Variants in TMPRSS11D observed in about 807,000 individuals in gnomAD.
TMPRSS11D encodes the protein transmembrane serine protease 11D.
TMPRSS11D carries 32 observed loss-of-function variants against 44.4 expected under a neutral mutation model. The observed-to-expected ratio is 0.72, with a 90% confidence interval of 0.54 to 0.97. The LOEUF is 0.97. Among genes scored for constraint, TMPRSS11D ranks in the 50% least tolerant of loss-of-function variants. The probability of loss-of-function intolerance (pLI) is 0.00; values close to 1 mark genes in which losing one functional copy is unlikely to be tolerated. For synonymous variants in TMPRSS11D, 179 were observed against 177.9 expected, an observed-to-expected ratio of 1.01 and a Z score of -0.05; for missense variants, 446 against 502.6, an observed-to-expected ratio of 0.89 and a Z score of 1.08.
intron 7 of TMPRSS11D, among the ~76,000 whole-genome samples, chr4:67,829,415 C>CT: frequency 6.9e-6 from 1 of 145,130 alleles, no homozygotes; most frequent in East Asian, 2.0e-4. Flanking sequence ...CACCTATATA[C>CT]ATAGGGGGAG....
chr4:67,869,625 GA>G (rs1463121239), intron 1 of TMPRSS11D, among the ~76,000 whole-genome samples: 6 of 152,136 alleles, frequency 3.9e-5, no homozygotes, highest in Non-Finnish European at 7.4e-5. Flanking sequence ...CTTACAAATA[GA>G]AAAGAAGGAA....
At chr4:67,863,283 TCA>T (rs1473222919) in intron 1 of TMPRSS11D, among the ~76,000 whole-genome samples, 2 of 146,614 alleles carry the variant, frequency 1.4e-5, no homozygotes, top group African/African-American at 5.1e-5. Context: ...CAATTATGTC[TCA>T]ATTTCCTTTT....
intron 1 of TMPRSS11D, among the ~76,000 whole-genome samples, chr4:67,882,820 C>T (rs750748629): frequency 6.6e-6 from 1 of 151,872 alleles, no homozygotes; most frequent in Non-Finnish European, 1.5e-5. Flanking sequence ...CCATGTATAG[C>T]TTTACAAAGT....
chr4:67,883,789 A>T, intron 1 of TMPRSS11D, 137 bp downstream of exon 1: 3 of 584,412 alleles, frequency 5.1e-6, no homozygotes, highest in Non-Finnish European at 8.7e-6. Context: ...AATATCTAAG[A>T]GTTTCGATGA....
intron 1 of TMPRSS11D, among the ~76,000 whole-genome samples, chr4:67,883,492 T>G (rs530095326): frequency 1.3e-5 from 2 of 152,180 alleles, no homozygotes; most frequent in South Asian, 4.1e-4. Flanking sequence ...AAAGTGTACT[T>G]TAGGATTTAT....
chr4:67,835,939 T>C (rs1449588531), intron 5 of TMPRSS11D, among the ~76,000 whole-genome samples: 1 of 152,162 alleles, frequency 6.6e-6, no homozygotes, highest in East Asian at 1.9e-4. Flanking sequence ...AAGGTCTGTC[T>C]ATTTCAATTT....
chr4:67,836,046 CT>C (rs1156341780), intron 5 of TMPRSS11D, among the ~76,000 whole-genome samples: 1 of 152,120 alleles, frequency 6.6e-6, no homozygotes, highest in East Asian at 1.9e-4. Context: ...TTATTATATC[CT>C]TTTAGTAAAA....
chr4:67,869,226 T>G (rs999320207), intron 1 of TMPRSS11D, among the ~76,000 whole-genome samples: 2 of 152,184 alleles, frequency 1.3e-5, no homozygotes, highest in African/African-American at 4.8e-5. Flanking sequence ...TTAGAGGTAG[T>G]ATTTGAAGCT....
At chr4:67,864,421 A>G (rs1718867445) in intron 1 of TMPRSS11D, among the ~76,000 whole-genome samples, 1 of 152,012 alleles carries the variant, frequency 6.6e-6, no homozygotes, top group Non-Finnish European at 1.5e-5. Context: ...GGAATGAAAG[A>G]TCGATACTCA....
intron 1 of TMPRSS11D, among the ~76,000 whole-genome samples, chr4:67,873,870 A>T (rs909543412): frequency 2.6e-5 from 4 of 152,146 alleles, no homozygotes; most frequent in Admixed American, 2.0e-4. Flanking sequence ...GTAAATAGGC[A>T]ATCCTCTTTG....
chr4:67,855,842 T>C (rs1486640265), intron 2 of TMPRSS11D, among the ~76,000 whole-genome samples: 1 of 152,150 alleles, frequency 6.6e-6, no homozygotes, highest in Non-Finnish European at 1.5e-5. Context: ...GATATATAAT[T>C]TCAATAAAGT....
chr4:67,873,738 G>A (rs897507423), intron 1 of TMPRSS11D, among the ~76,000 whole-genome samples: 1 of 152,028 alleles, frequency 6.6e-6, no homozygotes, highest in Non-Finnish European at 1.5e-5. Flanking sequence ...AATGCTATTG[G>A]TCCAAAGACT....
chr4:67,878,238 A>G (rs573089312), intron 1 of TMPRSS11D, among the ~76,000 whole-genome samples: 112 of 152,342 alleles, frequency 7.4e-4, no homozygotes, highest in Middle Eastern at 3.4e-3. Context: ...TTTCACTATT[A>G]TAATACTTAT....
chr4:67,860,772 GTATTT>G (rs1446800810), intron 1 of TMPRSS11D, among the ~76,000 whole-genome samples: 1 of 152,052 alleles, frequency 6.6e-6, no homozygotes, highest in African/African-American at 2.4e-5. Context: ...TCATATTTTT[GTATTT>G]TGTTTTGCCA....
At chr4:67,838,532 T>C (rs554091977) in intron 4 of TMPRSS11D, among the ~76,000 whole-genome samples, 32 of 152,234 alleles carry the variant, frequency 2.1e-4, no homozygotes, top group African/African-American at 7.5e-4. Flanking sequence ...CAGAACACTG[T>C]ACTCACTGTA....
intron 1 of TMPRSS11D, among the ~76,000 whole-genome samples, chr4:67,862,455 C>T (rs1718812414): frequency 6.6e-6 from 1 of 152,060 alleles, no homozygotes; most frequent in Non-Finnish European, 1.5e-5. Context: ...GGTTTCACGT[C>T]TCTCCTGACC....
intron 3 of TMPRSS11D, 121 bp from the exon 4 acceptor site, chr4:67,842,746 A>G: frequency 8.1e-6 from 7 of 864,876 alleles, no homozygotes; most frequent in South Asian, 7.8e-5. Context: ...ACTTTAGTTC[A>G]ACCTAATTCC....
chr4:67,857,308 TATATATATATATATAC>T (rs1279970935), intron 2 of TMPRSS11D, among the ~76,000 whole-genome samples: 3 of 7,230 alleles, frequency 4.1e-4, no homozygotes, highest in African/African-American at 5.4e-4. Context: ...TATATATATA[TATATATATATATATAC>T]ACACACACAC....
At chr4:67,841,264 T>A (rs181730605) in intron 4 of TMPRSS11D, among the ~76,000 whole-genome samples, 4 of 152,076 alleles carry the variant, frequency 2.6e-5, no homozygotes, top group African/African-American at 7.2e-5. Context: ...CCTGAGAAGA[T>A]GAGAGGCCTA....
Sources: allele counts gnomAD v4.1 joint callset (sites outside exome capture counted in the v4.1 genomes callset), GRCh38; gene constraint gnomAD v4.1.1; transcripts MANE v1.5; gene names NCBI Gene and HGNC (gene_info 2026-07-23, HGNC 2026-07-21).